Variants in PFKFB3 observed in about 807,000 individuals in gnomAD.
The protein encoded by PFKFB3 is 6-phosphofructo-2-kinase/fructose-2,6-biphosphatase 3.
Under a neutral mutation model 68.0 loss-of-function variants are expected in PFKFB3, and 33 were observed. The ratio of observed to expected loss-of-function variants is 0.49; its 90% CI spans 0.37 to 0.65. PFKFB3 has a LOEUF of 0.65. PFKFB3 is among the 30% of genes least tolerant of loss of function. The probability of loss-of-function intolerance (pLI) is 0.00; values close to 1 mark genes in which losing one functional copy is unlikely to be tolerated. For synonymous variants in PFKFB3, 315 were observed against 288.2 expected (o/e 1.09, Z -0.94); for missense variants, 586 against 712.2 (o/e 0.82, Z 2.02).
intron 1 of PFKFB3, among the ~76,000 whole-genome samples, chr10:6,177,368 C>CTTTT (rs1554842860): frequency 1.0e-5 from 1 of 98,430 alleles, no homozygotes; most frequent in African/African-American, 3.1e-5. Flanking sequence ...TTCTTTCTTT[C>CTTTT]TTTCTTTCTT....
At chr10:6,180,591 A>G (rs1387725264) in intron 1 of PFKFB3, among the ~76,000 whole-genome samples, 1 of 152,054 alleles carries the variant, frequency 6.6e-6, no homozygotes, top group African/African-American at 2.4e-5. Flanking sequence ...CAGCCTCCTG[A>G]GTAGCTGAAA....
At chr10:6,239,246 A>G (rs1846089399), downstream of PFKFB3, among the ~76,000 whole-genome samples, 1 of 152,200 alleles carries the variant, frequency 6.6e-6, no homozygotes, top group Admixed American at 6.5e-5. Flanking sequence ...CCGGCGTTTC[A>G]AATGCAAGGT....
intron 1 of PFKFB3, among the ~76,000 whole-genome samples, chr10:6,155,071 AG>A (rs1435436470): frequency 1.3e-5 from 2 of 152,216 alleles, no homozygotes; most frequent in African/African-American, 4.8e-5. Context: ...CATTTCAAGA[AG>A]CAAATGACTT....
At chr10:6,191,731 T>C (rs1843027521) in intron 1 of PFKFB3, among the ~76,000 whole-genome samples, 1 of 152,208 alleles carries the variant, frequency 6.6e-6, no homozygotes, top group South Asian at 2.1e-4. Flanking sequence ...CTGTCCACTG[T>C]ACAGAGAAGG....
chr10:6,168,971 T>C (rs1051180617), intron 1 of PFKFB3, among the ~76,000 whole-genome samples: 4 of 152,334 alleles, frequency 2.6e-5, no homozygotes, highest in Non-Finnish European at 5.9e-5. Context: ...TGCTTTCTCT[T>C]TTTGAGCCAG....
chr10:6,317,248 A>C, the PFKFB3 span, among the ~76,000 whole-genome samples: 1 of 152,168 alleles, frequency 6.6e-6, no homozygotes, highest in Non-Finnish European at 1.5e-5. Context: ...GGGCAGGACA[A>C]CCATGAGAGG....
chr10:6,199,960 G>A (rs771501756), upstream of PFKFB3, among the ~76,000 whole-genome samples: 13 of 151,768 alleles, frequency 8.6e-5, no homozygotes, highest in Non-Finnish European at 1.3e-4. Flanking sequence ...TGGGGTTAGG[G>A]TGGCCCTATA....
At chr10:6,225,411 G>C (rs1253226936) in intron 13 of PFKFB3, among the ~76,000 whole-genome samples, 1 of 152,172 alleles carries the variant, frequency 6.6e-6, no homozygotes, top group Non-Finnish European at 1.5e-5. Flanking sequence ...TCGGAATGTG[G>C]GTCACCGGAT....
chr10:6,309,407 A>G, the PFKFB3 span, among the ~76,000 whole-genome samples: 5,318 of 152,292 alleles, frequency 0.035, 144 homozygotes, highest in Middle Eastern at 0.15. Flanking sequence ...TGGGAGGCAG[A>G]GGTCAGGAGT....
At chr10:6,194,838 G>C (rs1006817212) in intron 1 of PFKFB3, among the ~76,000 whole-genome samples, 7 of 152,008 alleles carry the variant, frequency 4.6e-5, no homozygotes, top group African/African-American at 1.7e-4. Context: ...CTCTTCTCAT[G>C]GCAAGGATGG....
chr10:6,152,305 G>A (rs1424461594), intron 1 of PFKFB3: 1 of 152,470 alleles, frequency 6.6e-6, no homozygotes, highest in Non-Finnish European at 1.5e-5. Flanking sequence ...TCTCCAGTGT[G>A]ATTCAGGTCC....
intron 6 of PFKFB3, among the ~76,000 whole-genome samples, chr10:6,218,802 T>A (rs534501548): frequency 1.3e-5 from 2 of 152,172 alleles, no homozygotes; most frequent in Admixed American, 1.3e-4. Flanking sequence ...ACCGCCACAC[T>A]CTATCCGCAG....
chr10:6,173,108 C>T (rs1588418472), intron 1 of PFKFB3, among the ~76,000 whole-genome samples: 1 of 152,320 alleles, frequency 6.6e-6, no homozygotes, highest in East Asian at 1.9e-4. Context: ...TCATTGTGCC[C>T]TACTTGTCTA....
At chr10:6,300,286 C>T in the PFKFB3 span, among the ~76,000 whole-genome samples, 4 of 152,124 alleles carry the variant, frequency 2.6e-5, no homozygotes, top group South Asian at 8.3e-4. Flanking sequence ...GAGAACTCTT[C>T]AAAGTGAGAC....
rs1003503279 is a variant in PFKFB3, at chr10:6,228,040, T to C, written c.1515+1675T>C. ...TGCATCCTCCTGTCCGCTTCAGAGC[T>C]GCCCCTGGCGTTGGGAGGACAGTCC... On this transcript the variant is annotated intron_variant, in intron 14 of 14. Coordinates refer to ENST00000379775, the MANE Select transcript of PFKFB3 (RefSeq NM_004566.4). This position sits in a 1 kb window ranked among gnomAD's most constrained non-coding sequence, Gnocchi z 4.5. Among the ~76,000 whole-genome samples the C allele has an allele frequency of 1.3e-5, 2 of 152,162 alleles. No homozygotes were observed. Among genetic ancestry groups the C allele is most frequent in the Non-Finnish European group, 2.9e-5 (2 of 68,014 alleles).
At chr10:6,272,069 C>T in the PFKFB3 span, among the ~76,000 whole-genome samples, 3 of 152,184 alleles carry the variant, frequency 2.0e-5, no homozygotes, top group African/African-American at 7.2e-5. Context: ...TGCCATCCAG[C>T]AGGGAGGGCA....
the PFKFB3 span, among the ~76,000 whole-genome samples, chr10:6,321,387 C>CTTT: frequency 1.2e-3 from 177 of 151,608 alleles, 3 homozygotes; most frequent in Non-Finnish European, 4.1e-4. Context: ...TAATTTCATT[C>CTTT]TAATTCAGTA....
rs1843441621 is a variant in PFKFB3, at chr10:6,203,106, C to G, written c.-155C>G. 6.8e-7 allele frequency: 1 copy of G among 1,468,862 alleles called. No homozygotes were observed. Among genetic ancestry groups the G allele is most frequent in the South Asian group, 1.4e-5 (1 of 72,142 alleles). 91.0% of individuals were successfully genotyped at this position (1,468,862 alleles called of 1,614,324 possible). A position where few individuals can be genotyped will look rare whatever the true frequency, so the allele number is the denominator to read the frequency against. On this transcript the variant is annotated 5_prime_UTR_variant, in exon 1 of 15. Coordinates refer to ENST00000379775, the MANE Select transcript of PFKFB3 (RefSeq NM_004566.4). ...GCACAGGCGAGGGTCCGGAACTTAG[C>G]CCAAAGCACGTTTCCCCTGGCAGCG...
In PFKFB3 at chr10:6,225,339, T is replaced by TG. The variant is rs1157113501; in HGVS notation, c.1342-850dup. On this transcript the variant is annotated intron_variant, in intron 13 of 14. Transcript: ENST00000379775. ...CAGTCGCTGGCAGTTGCCTGGCTGG[T>TG]GGGCTGACCTGAGAGAGGCTGGGGT... The TG allele has an allele frequency of 7.5e-6, 3 of 400,130 alleles. No individual in the cohort carries two copies. The East Asian group carries it at 2.2e-4, about 30-fold the overall frequency. The allele number at this position is 400,130 out of a possible 1,614,324, so 24.8% of individuals were successfully genotyped here.
Sources: gnomAD v4.1 joint callset for allele counts (sites outside exome capture counted in the v4.1 genomes callset) on GRCh38, gnomAD v4.1.1 for gene constraint, Gnocchi (gnomAD v3.1) non-coding constraint, MANE v1.5 for transcripts, NCBI Gene and HGNC (gene_info 2026-07-23, HGNC 2026-07-21) for gene names.